The following TENM4 variants were observed in gnomAD, a reference collection of about 807,000 sequenced individuals.
TENM4 encodes the protein teneurin-4.
A neutral mutation model predicts 243.3 loss-of-function variants in TENM4; 82 were observed. The ratio of observed to expected loss-of-function variants is 0.34; its 90% CI spans 0.28 to 0.40. TENM4 has a LOEUF of 0.40. Among genes scored for constraint, TENM4 ranks in the 10% least tolerant of loss-of-function variants. The probability of loss-of-function intolerance (pLI) is 1.00; values close to 1 mark genes in which losing one functional copy is unlikely to be tolerated. For synonymous variants in TENM4, 1,412 were observed against 1,456.3 expected (o/e 0.97, Z 0.69); for missense variants, 3,138 against 3,673.3 (o/e 0.85, Z 3.77).
At chr11:78,848,515 T>C (rs1374518950) in intron 12 of TENM4, among the ~76,000 whole-genome samples, 1 of 152,128 alleles carries the variant, frequency 6.6e-6, no homozygotes, top group Non-Finnish European at 1.5e-5. Context: ...CCCATTTTCC[T>C]TTTTTAAATG....
intron 30 of TENM4, among the ~76,000 whole-genome samples, chr11:78,673,665 T>G (rs191021323): frequency 6.6e-6 from 1 of 152,216 alleles, no homozygotes; most frequent in Admixed American, 6.5e-5. Flanking sequence ...TTGAAGAAAC[T>G]TAGTAAATCA....
intron 9 of TENM4, 117 bp downstream of exon 9, chr11:78,889,668 C>T: frequency 8.6e-7 from 1 of 1,162,748 alleles, no homozygotes; most frequent in Non-Finnish European, 1.2e-6. Context: ...CTGCCTGGCT[C>T]ACACTGCGTG....
In TENM4 at chr11:78,802,385, T is replaced by C. The variant is rs190102469; in HGVS notation, c.2179+2907A>G. Among the ~76,000 whole-genome samples the C allele has an allele frequency of 2.6e-5, 4 of 152,378 alleles. No individual in the cohort carries two copies. In the East Asian group the frequency reaches 7.7e-4, roughly 29 times the overall value. On this transcript the variant is annotated intron_variant, in intron 15 of 33. Transcript: ENST00000278550. ...CTGAAGTCAAGAAAAGTGAGCTTTC[T>C]TGCCAAGGTCGCATGGTTAACATGT...
At chr11:78,929,324 A>G (rs946835561) in intron 6 of TENM4, among the ~76,000 whole-genome samples, 7 of 152,242 alleles carry the variant, frequency 4.6e-5, no homozygotes, top group Non-Finnish European at 7.3e-5. Context: ...AATCGGCTAC[A>G]TTACAGTGAT....
chr11:78,674,991 G>T (rs1590931226), intron 30 of TENM4, among the ~76,000 whole-genome samples: 1 of 151,862 alleles, frequency 6.6e-6, no homozygotes. Flanking sequence ...TCAGCCTCCT[G>T]AGTAGCTAGG....
At chr11:79,358,929 CT>C (rs901803288) in intron 1 of TENM4, among the ~76,000 whole-genome samples, 7 of 147,294 alleles carry the variant, frequency 4.8e-5, no homozygotes, top group Admixed American at 1.4e-4. Context: ...TTTTTGCAAA[CT>C]TTTTTTTAAG....
intron 12 of TENM4, among the ~76,000 whole-genome samples, chr11:78,819,720 C>G (rs1012668433): frequency 2.6e-5 from 4 of 152,220 alleles, no homozygotes; most frequent in African/African-American, 7.2e-5. Flanking sequence ...ATCCCTCCCT[C>G]CCAGAAGCTC....
intron 6 of TENM4, among the ~76,000 whole-genome samples, chr11:79,048,421 T>C (rs1859712040): frequency 6.6e-6 from 1 of 152,104 alleles, no homozygotes; most frequent in East Asian, 1.9e-4. Flanking sequence ...CGGCAGAAGA[T>C]TGCCCATTCC....
chr11:78,965,599 A>T (rs1857423020), intron 6 of TENM4, among the ~76,000 whole-genome samples: 1 of 152,222 alleles, frequency 6.6e-6, no homozygotes, highest in Non-Finnish European at 1.5e-5. Context: ...TAGTTCCAGA[A>T]CTAAGTAAAT....
intron 6 of TENM4, among the ~76,000 whole-genome samples, chr11:79,051,566 G>A (rs983963037): frequency 2.0e-5 from 3 of 152,196 alleles, no homozygotes; most frequent in African/African-American, 7.2e-5. Flanking sequence ...ATAGCCCTGG[G>A]TTAGCTATCA....
At chr11:79,240,796 A>AT (rs572907232) in intron 2 of TENM4, among the ~76,000 whole-genome samples, 2 of 151,766 alleles carry the variant, frequency 1.3e-5, no homozygotes, top group African/African-American at 2.4e-5. Context: ...TTTGCATATA[A>AT]TTTTTTTTCT....
chr11:79,107,183 T>C (rs1861392286), intron 4 of TENM4, among the ~76,000 whole-genome samples: 1 of 152,176 alleles, frequency 6.6e-6, no homozygotes, highest in Non-Finnish European at 1.5e-5. Context: ...GCAGCATGGC[T>C]ACAGGGTCCA....
At chr11:79,343,859 TGCCTGGGTCTGCAGGA>T (rs1375169557) in intron 1 of TENM4, among the ~76,000 whole-genome samples, 1 of 152,222 alleles carries the variant, frequency 6.6e-6, no homozygotes, top group Non-Finnish European at 1.5e-5. Flanking sequence ...CCCAGGCTCA[TGCCTGGGTCTGCAGGA>T]GCCTGGATCT....
At position 78,903,405 on chromosome 11, in the gene TENM4, G is replaced by A. The variant is rs1855980902; in HGVS notation, c.612C>T (p.Asn204=). The A allele has an allele frequency of 3.9e-6, 6 of 1,539,306 alleles. No individual in the cohort carries two copies. In the African/African-American group the frequency reaches 8.3e-5, roughly 21 times the overall value. ...AASINSLNRG[N]FTPRSNPSPA... ...GGCTGGGGTTGCTCCTCGGCGTGAAGTTGCCCCGGTTCAGGGAGTTAATGG... is the reference window on the plus strand; with the variant it reads ...GGCTGGGGTTGCTCCTCGGCGTGAAATTGCCCCGGTTCAGGGAGTTAATGG... The change falls in exon 7 of 34, where the codon AAC becomes AAT. Residue 204 remains asparagine, a synonymous_variant. Coordinates refer to ENST00000278550, the MANE Select transcript of TENM4 (RefSeq NM_001098816.3).
intron 3 of TENM4, among the ~76,000 whole-genome samples, chr11:79,209,324 C>T (rs1433849280): frequency 1.3e-5 from 2 of 152,200 alleles, no homozygotes; most frequent in African/African-American, 2.4e-5. Context: ...GGCAGAATTC[C>T]ACACTTAGCT....
chr11:78,911,890 C>T (rs573049326), intron 6 of TENM4, among the ~76,000 whole-genome samples: 13 of 152,314 alleles, frequency 8.5e-5, no homozygotes, highest in African/African-American at 1.2e-4. Flanking sequence ...TCCCCCAGCC[C>T]GTGGCAGCTC....
chr11:79,258,865 G>A (rs1429981236), intron 2 of TENM4, among the ~76,000 whole-genome samples: 1 of 152,154 alleles, frequency 6.6e-6, no homozygotes, highest in Non-Finnish European at 1.5e-5. Flanking sequence ...CTCTAGGCAG[G>A]CAAATCATCT....
At position 78,793,007 on chromosome 11, in the gene TENM4, T is replaced by C. The variant is rs960432578; in HGVS notation, c.2180-5924A>G. Among the ~76,000 whole-genome samples the C allele has an allele frequency of 3.3e-5, 5 of 152,294 alleles. No homozygotes were observed. In the East Asian group the frequency reaches 7.7e-4, roughly 23 times the overall value. ...ACAAGGTTTGGCTCTTGGTTAATTA[T>C]GTCAAAAAATGTATATGTACAGGAA... On this transcript the variant is annotated intron_variant, in intron 15 of 33. Transcript: ENST00000278550.
intron 5 of TENM4, among the ~76,000 whole-genome samples, chr11:79,067,583 C>G (rs1860294990): frequency 6.6e-6 from 1 of 150,582 alleles, no homozygotes; most frequent in South Asian, 2.1e-4. Context: ...CCAGACTCAG[C>G]ATCAATACAA....
Sources: gnomAD v4.1 joint callset for allele counts (sites outside exome capture counted in the v4.1 genomes callset) on GRCh38, gnomAD v4.1.1 for gene constraint, MANE v1.5 for transcripts, NCBI Gene and HGNC (gene_info 2026-07-23, HGNC 2026-07-21) for gene names.